TES: variants seen among roughly 807,000 people sequenced by gnomAD.
TES encodes the protein testin.
A neutral mutation model predicts 48.2 loss-of-function variants in TES; 41 were observed. The observed-to-expected ratio is 0.85, with a 90% confidence interval of 0.66 to 1.10. TES has a LOEUF of 1.10. TES is among the 50% of genes least tolerant of loss of function. TES has a pLI of 0.00. For missense variants in TES, 463 were observed against 515.1 expected, an observed-to-expected ratio of 0.90 and a Z score of 0.98; for synonymous variants, 162 against 174.9, an observed-to-expected ratio of 0.93 and a Z score of 0.58.
chr7:116,257,360 T>C lies in TES; in HGVS notation c.1144T>C (p.Trp382Arg). 12 of 1,614,044 alleles carry C rather than the reference T, an allele frequency of 7.4e-6. No individual in the cohort carries two copies. Among genetic ancestry groups the C allele is most frequent in the Non-Finnish European group, 1.0e-5 (12 of 1,179,964 alleles). Reference sequence around the variant, plus strand: ...GCGGGTGACCTATAACAATTTCAGCTGGCATGCATCCACAGAGTGCTTTCT... The same window carrying C: ...GCGGGTGACCTATAACAATTTCAGCCGGCATGCATCCACAGAGTGCTTTCT... ...VQRVTYNNFSWHASTECFLCS... is the reference protein window; with the variant it reads ...VQRVTYNNFSRHASTECFLCS... The change falls in exon 7 of 7, where the codon TGG becomes CGG. Residue 382 changes from tryptophan (W) to arginine (R), a missense_variant. Physicochemically the swap from Trp to Arg is moderately radical, Grantham distance 101 (BLOSUM62 -3). Coordinates refer to ENST00000358204, the MANE Select transcript of TES (RefSeq NM_015641.4).
At chr7:116,233,479 G>C (rs1799726736) in intron 1 of TES, among the ~76,000 whole-genome samples, 1 of 152,134 alleles carries the variant, frequency 6.6e-6, no homozygotes, top group Non-Finnish European at 1.5e-5. Flanking sequence ...ACAGGCCTTG[G>C]AGTCAGAAAG....
Position 116,250,301 on chromosome 7 carries a change from C to T in TES, c.507C>T (p.Pro169=), listed in dbSNP as rs1335946791. Residue 169 remains proline (P), a synonymous_variant, in exon 4 of 7, where the codon CCC becomes CCT. Transcript: ENST00000358204. ...QDPSKCHELS[P]REVKEMEQFV... ...CTTCAAAGTGCCATGAGTTGTCTCC[C>T]AGAGAGGTGAAGGAGATGGAGCAGT... The T allele has an allele frequency of 6.2e-7, 1 of 1,613,730 alleles. No individual in the cohort carries two copies.
At position 116,254,754 on chromosome 7, in the gene TES, ATATATGTG is replaced by A. The variant is rs1563016462; in HGVS notation, c.1077+2280_1077+2287del. Among the ~76,000 whole-genome samples the A allele has an allele frequency of 5.8e-4, 69 of 119,326 alleles. 1 individual carries two copies. The highest frequency in any genetic ancestry group is 1.6e-3 in the African/African-American group (47 of 29,850). 78.3% of individuals were successfully genotyped at this position (119,326 alleles called of 152,430 possible). ...ACACTCCGTCTCAAAAAAAATATAT[ATATATGTG>A]TGTGTGTGTGTGTGTGTGTGTGTGT... is the stretch of plus-strand genomic sequence containing the variant. On this transcript the variant is annotated intron_variant, in intron 6 of 6. Coordinates refer to ENST00000358204, the MANE Select transcript of TES (RefSeq NM_015641.4).
intron 1 of TES, among the ~76,000 whole-genome samples, chr7:116,229,629 T>G (rs139055683): frequency 5.6e-4 from 86 of 152,278 alleles, no homozygotes; most frequent in Middle Eastern, 3.4e-3. Flanking sequence ...TACCACAGAT[T>G]AGAGTCCATA....
chr7:116,253,335 C>T (rs777251275), intron 6 of TES, among the ~76,000 whole-genome samples: 5 of 152,134 alleles, frequency 3.3e-5, no homozygotes, highest in Admixed American at 6.5e-5. Flanking sequence ...TCACCCATTG[C>T]CCCAGATACA....
intron 2 of TES, among the ~76,000 whole-genome samples, chr7:116,245,897 G>A (rs1029177541): frequency 2.8e-4 from 42 of 152,106 alleles, no homozygotes; most frequent in African/African-American, 9.4e-4. Flanking sequence ...AAGGAGAAGT[G>A]CCGAGCAAAA....
intron 2 of TES, among the ~76,000 whole-genome samples, chr7:116,242,531 CTCTCTCTG>C (rs1027900977): frequency 9.2e-4 from 64 of 69,264 alleles, no homozygotes; most frequent in East Asian, 1.9e-3. Context: ...CTCTCTCTCT[CTCTCTCTG>C]TCTCTGTCTC....
intron 1 of TES, among the ~76,000 whole-genome samples, chr7:116,228,019 T>TG (rs1277119144): frequency 1.4e-5 from 2 of 140,670 alleles, no homozygotes; most frequent in Non-Finnish European, 3.1e-5. Context: ...TTTTTTTTTT[T>TG]TTGTTTTTTT....
chr7:116,221,008 T>C (rs1215306888), intron 1 of TES, among the ~76,000 whole-genome samples: 1 of 152,152 alleles, frequency 6.6e-6, no homozygotes, highest in Admixed American at 6.5e-5. Flanking sequence ...CTGAATATAT[T>C]GTCAAGAATT....
intron 1 of TES, among the ~76,000 whole-genome samples, chr7:116,217,272 A>G (rs1799504954): frequency 6.6e-6 from 1 of 152,174 alleles, no homozygotes; most frequent in Admixed American, 6.5e-5. Context: ...GTAATAGCAA[A>G]TGTAAAAGAT....
intron 1 of TES, among the ~76,000 whole-genome samples, chr7:116,212,093 C>CTAAAAAT (rs1290061281): frequency 1.3e-5 from 2 of 152,058 alleles, no homozygotes; most frequent in Non-Finnish European, 2.9e-5. Context: ...AAGCATTTTG[C>CTAAAAAT]CCGCTTAGCT....
In TES at chr7:116,257,668, G is replaced by C; in HGVS notation, c.*186G>C. 1 of 490,960 alleles carries C rather than the reference G, an allele frequency of 2.0e-6. No individual in the cohort carries two copies. Among genetic ancestry groups the C allele is most frequent in the South Asian group, 3.9e-5 (1 of 25,438 alleles). 30.4% of individuals were successfully genotyped at this position (490,960 alleles called of 1,614,324 possible). A position where few individuals can be genotyped will look rare whatever the true frequency, so the allele number is the denominator to read the frequency against. On this transcript the variant is annotated 3_prime_UTR_variant, in exon 7 of 7. Coordinates refer to ENST00000358204, the MANE Select transcript of TES (RefSeq NM_015641.4). ...TTTTCGGTCTCAACTTTTAAACTTGGTTTAAGCATTTGATTTGTAAAACAG... is the reference window on the plus strand; with the variant it reads ...TTTTCGGTCTCAACTTTTAAACTTGCTTTAAGCATTTGATTTGTAAAACAG...
At chr7:116,211,895 G>GT (rs1563003135) in intron 1 of TES, among the ~76,000 whole-genome samples, 1 of 152,120 alleles carries the variant, frequency 6.6e-6, no homozygotes, top group Non-Finnish European at 1.5e-5. Context: ...TGAGAAAACA[G>GT]TTTTTTTCAT....
In TES at chr7:116,246,868, C is replaced by G. The variant is rs112339667; in HGVS notation, c.114-2152C>G. The stretch of plus-strand genomic sequence containing the variant: ...TTTCCTATCACAAATGAAATTTTCT[C>G]TGTGTATGTGTGTGTGTGTGATTAT... On this transcript the variant is annotated intron_variant, in intron 2 of 6. Transcript: ENST00000358204. Among the ~76,000 whole-genome samples, 3 of 150,424 alleles carry G rather than the reference C, an allele frequency of 2.0e-5. No homozygotes were observed. In the East Asian group the frequency reaches 5.9e-4, roughly 29 times the overall value.
At chr7:116,230,880 T>C (rs1240960638) in intron 1 of TES, among the ~76,000 whole-genome samples, 1 of 152,172 alleles carries the variant, frequency 6.6e-6, no homozygotes, top group Non-Finnish European at 1.5e-5. Flanking sequence ...GCTCAGCCTT[T>C]CCATTGTAAT....
At chr7:116,210,790 G>C in intron 1 of TES, 56 bp downstream of exon 1, 1 of 1,228,926 alleles carries the variant, frequency 8.1e-7, no homozygotes, top group Non-Finnish European at 1.0e-6. Flanking sequence ...GTCGCGCGGC[G>C]CGCGGCGGCC....
chr7:116,228,131 T>C (rs1170005407), intron 1 of TES, among the ~76,000 whole-genome samples: 1 of 151,966 alleles, frequency 6.6e-6, no homozygotes, highest in African/African-American at 2.4e-5. Context: ...GATACATTGA[T>C]TCCATTCCCA....
intron 1 of TES, among the ~76,000 whole-genome samples, chr7:116,233,228 T>C (rs142502690): frequency 0.013 from 1,969 of 152,346 alleles, 13 homozygotes; most frequent in Middle Eastern, 0.02. Flanking sequence ...GGTTTGCCAC[T>C]GTACTGATGT....
intron 2 of TES, among the ~76,000 whole-genome samples, chr7:116,248,139 A>G (rs1799952759): frequency 6.6e-6 from 1 of 152,194 alleles, no homozygotes; most frequent in African/African-American, 2.4e-5. Context: ...GCTTCAAAGG[A>G]CATGATTTCA....
Sources: gnomAD v4.1 joint callset for allele counts (sites outside exome capture counted in the v4.1 genomes callset) on GRCh38, gnomAD v4.1.1 for gene constraint, MANE v1.5 for transcripts, NCBI Gene and HGNC (gene_info 2026-07-23, HGNC 2026-07-21) for gene names.